Variants in SNX2 observed in about 807,000 individuals in gnomAD.
SNX2 encodes the protein sorting nexin 2.
In SNX2, 25 loss-of-function variants were observed where a neutral mutation model predicts 69.9. That is an observed-to-expected ratio of 0.36 (90% CI 0.26 to 0.50). SNX2 has a LOEUF of 0.50. Ranked by LOEUF, SNX2 falls within the 20% of genes least tolerant of loss-of-function variation. The pLI is 0.97. For synonymous variants in SNX2, 229 were observed against 200.4 expected (o/e 1.14, Z -1.20); for missense variants, 551 against 613.3 (o/e 0.90, Z 1.07).
chr5:122,809,293 G>A (rs1463218163), intron 7 of SNX2, among the ~76,000 whole-genome samples: 2 of 152,144 alleles, frequency 1.3e-5, no homozygotes, highest in African/African-American at 2.4e-5. Context: ...TCCATAGGAT[G>A]TCCTGGAACC....
At position 122,831,839 on chromosome 5, in the gene SNX2, A is replaced by G. The variant is rs966694750; in HGVS notation, c.*2191A>G. ...ATATTCAGTACCTCCAAGTAAAATA[A>G]TAAATATTTTCAGCCTTGATTAAAC... is the stretch of plus-strand genomic sequence containing the variant. On this transcript the variant is annotated 3_prime_UTR_variant, in exon 15 of 15. Transcript: ENST00000379516. 1.2e-4 allele frequency among the ~76,000 whole-genome samples: 19 copies of G among 152,220 alleles called. No individual in the cohort carries two copies. Among genetic ancestry groups the G allele is most frequent in the African/African-American group, 3.9e-4 (16 of 41,464 alleles).
chr5:122,794,256 AGCCAAGATTGCACCATT>A (rs894394127), intron 1 of SNX2, among the ~76,000 whole-genome samples: 6 of 152,146 alleles, frequency 3.9e-5, no homozygotes, highest in Admixed American at 3.3e-4. Flanking sequence ...GGTTGCAGTG[AGCCAAGATTGCACCATT>A]GCACTCCAGC....
At chr5:122,782,531 G>A (rs1028850762) in intron 1 of SNX2, among the ~76,000 whole-genome samples, 1 of 148,364 alleles carries the variant, frequency 6.7e-6, no homozygotes, top group Non-Finnish European at 1.5e-5. Context: ...GAGCCATCAC[G>A]CCCGGCCTAT....
intron 1 of SNX2, chr5:122,775,801 T>C (rs1752844138): frequency 3.1e-6 from 3 of 981,278 alleles, no homozygotes; most frequent in South Asian, 9.4e-5. Flanking sequence ...CTTTAGTTCC[T>C]AGACTTTTAA....
intron 1 of SNX2, among the ~76,000 whole-genome samples, chr5:122,792,972 A>T (rs1230548559): frequency 6.6e-6 from 1 of 152,238 alleles, no homozygotes; most frequent in Non-Finnish European, 1.5e-5. Context: ...AATGGAATAT[A>T]TCAAAATGTT....
At chr5:122,780,942 C>T (rs756218218) in intron 1 of SNX2, among the ~76,000 whole-genome samples, 1 of 151,928 alleles carries the variant, frequency 6.6e-6, no homozygotes, top group East Asian at 1.9e-4. Context: ...AATTTCATTA[C>T]GAATTATCTA....
At chr5:122,814,777 T>C (rs1753866328) in intron 7 of SNX2, among the ~76,000 whole-genome samples, 1 of 150,490 alleles carries the variant, frequency 6.6e-6, no homozygotes, top group South Asian at 2.1e-4. Flanking sequence ...TGAGACGGAG[T>C]TTCACTCTGT....
At chr5:122,785,680 T>G (rs969573733) in intron 1 of SNX2, among the ~76,000 whole-genome samples, 3 of 152,210 alleles carry the variant, frequency 2.0e-5, no homozygotes, top group Non-Finnish European at 2.9e-5. Flanking sequence ...ATTTCCAAAA[T>G]TTGAGGATAT....
intron 1 of SNX2, chr5:122,775,429 C>T (rs572181314): frequency 2.4e-6 from 3 of 1,262,684 alleles, no homozygotes; most frequent in Admixed American, 4.1e-5. Context: ...CGGGTGCCGA[C>T]CTAATCCTCA....
At chr5:122,778,959 C>T (rs1391956455) in intron 1 of SNX2, among the ~76,000 whole-genome samples, 3 of 152,074 alleles carry the variant, frequency 2.0e-5, no homozygotes, top group Non-Finnish European at 4.4e-5. Flanking sequence ...CTGGCAAAAG[C>T]CTGTTCTTCT....
At chr5:122,775,296 C>T in intron 1 of SNX2, 85 bp downstream of exon 1, 6 of 1,461,462 alleles carry the variant, frequency 4.1e-6, no homozygotes, top group Non-Finnish European at 5.5e-6. Context: ...CCTCCCCATC[C>T]CCCGTGTTTG....
intron 1 of SNX2, among the ~76,000 whole-genome samples, chr5:122,779,104 A>C (rs1672239175): frequency 6.6e-6 from 1 of 152,232 alleles, no homozygotes. Context: ...CGTTTTAAAA[A>C]AAAGGTCAGG....
rs542156380 is a variant in SNX2, at chr5:122,803,597, A to T, written c.627A>T (p.Pro209=). 101 of 1,609,278 alleles carry T rather than the reference A, an allele frequency of 6.3e-5. No individual in the cohort carries two copies. Among genetic ancestry groups the T allele is most frequent in the Non-Finnish European group, 8.0e-5 (94 of 1,178,658 alleles). Residue 209 remains proline, a synonymous_variant, in exon 6 of 15, where the codon CCA becomes CCT. Coordinates refer to ENST00000379516, the MANE Select transcript of SNX2 (RefSeq NM_003100.4). ...LHVGYIVPPA[P]EKSIVGMTKV... ...TTGGTTATATTGTGCCACCAGCTCCAGAAAAGAGTATAGTAGGTAAGCACA... is the reference window on the plus strand; with the variant it reads ...TTGGTTATATTGTGCCACCAGCTCCTGAAAAGAGTATAGTAGGTAAGCACA...
chr5:122,811,239 A>T (rs1436476856), intron 7 of SNX2, among the ~76,000 whole-genome samples: 1 of 152,192 alleles, frequency 6.6e-6, no homozygotes, highest in Non-Finnish European at 1.5e-5. Flanking sequence ...AGAGAAAAGG[A>T]GTGGTTAAAT....
chr5:122,809,284 C>T (rs1323058713), intron 7 of SNX2, among the ~76,000 whole-genome samples: 1 of 152,094 alleles, frequency 6.6e-6, no homozygotes, highest in Non-Finnish European at 1.5e-5. Context: ...ATTTTGGTAT[C>T]CATAGGATGT....
intron 7 of SNX2, 42 bp from the exon 8 acceptor site, chr5:122,815,854 A>C (rs765761537): frequency 3.8e-6 from 4 of 1,063,986 alleles, no homozygotes; most frequent in Non-Finnish European, 5.6e-6. Flanking sequence ...ACTGTAATTC[A>C]AGATGCTACT....
At position 122,802,165 on chromosome 5, in the gene SNX2, T is replaced by A. The variant is rs1331041425; in HGVS notation, c.501+41T>A. 4 of 1,511,850 alleles carry A rather than the reference T, an allele frequency of 2.6e-6. No homozygotes were observed. The Admixed American group carries it at 6.7e-5, about 25-fold the overall frequency. 93.7% of individuals were successfully genotyped at this position (1,511,850 alleles called of 1,614,324 possible). A position where few individuals can be genotyped will look rare whatever the true frequency, so the allele number is the denominator to read the frequency against. On this transcript the variant is annotated intron_variant, in intron 5 of 14. Coordinates refer to ENST00000379516, the MANE Select transcript of SNX2 (RefSeq NM_003100.4). ...TTTTAAAAAAACTATCGAGCCCTCA[T>A]TATGTGTAGTATGAGGATATGGCTA...
chr5:122,808,485 C>G (rs562234857), intron 7 of SNX2, 130 bp downstream of exon 7: 4 of 566,806 alleles, frequency 7.1e-6, no homozygotes, highest in African/African-American at 3.8e-5. Flanking sequence ...GCTTTTAAGA[C>G]TGCTTTAAAC....
chr5:122,795,416 T>G (rs1028336995), intron 2 of SNX2, 33 bp downstream of exon 2: 6 of 1,324,782 alleles, frequency 4.5e-6, no homozygotes, highest in Non-Finnish European at 6.5e-6. Context: ...TTAATAATGG[T>G]CAATTGCAGT....
Sources: allele counts gnomAD v4.1 joint callset (sites outside exome capture counted in the v4.1 genomes callset), GRCh38; gene constraint gnomAD v4.1.1; transcripts MANE v1.5; gene names NCBI Gene and HGNC (gene_info 2026-07-23, HGNC 2026-07-21).